ARPP21: variants seen among roughly 807,000 people sequenced by gnomAD.
ARPP21 encodes cAMP regulated phosphoprotein 21, also known as cAMP-regulated phosphoprotein 21.
Under a neutral mutation model 113.2 loss-of-function variants are expected in ARPP21, and 69 were observed. The observed-to-expected ratio is 0.61, with a 90% CI of 0.50 to 0.74. The LOEUF (loss-of-function observed/expected upper bound fraction) is 0.74. Ranked by LOEUF, ARPP21 falls within the 30% of genes least tolerant of loss-of-function variation. The probability of loss-of-function intolerance (pLI) is 0.00; values close to 1 mark genes in which losing one functional copy is unlikely to be tolerated. For missense variants in ARPP21, 1,070 were observed against 1,037.4 expected (o/e 1.03, Z -0.43); for synonymous variants, 368 against 375.5 (o/e 0.98, Z 0.23).
chr3:35,741,968 G>T (rs992443154), intron 18 of ARPP21, among the ~76,000 whole-genome samples: 1 of 152,120 alleles, frequency 6.6e-6, no homozygotes, highest in African/African-American at 2.4e-5. Flanking sequence ...CTCTAGCACA[G>T]CTTGTGAAGG....
chr3:35,659,452 T>A (rs1480309595), intron 1 of ARPP21, among the ~76,000 whole-genome samples: 1 of 152,218 alleles, frequency 6.6e-6, no homozygotes, highest in Non-Finnish European at 1.5e-5. Flanking sequence ...GACATTTACA[T>A]TTTTAGAAAC....
At chr3:35,703,491 T>C (rs1259559780) in intron 9 of ARPP21, among the ~76,000 whole-genome samples, 1 of 151,990 alleles carries the variant, frequency 6.6e-6, no homozygotes, top group Non-Finnish European at 1.5e-5. Flanking sequence ...TTCACAGTAG[T>C]TATGTGCTAC....
chr3:35,779,762 C>A (rs1485051611), intron 19 of ARPP21, among the ~76,000 whole-genome samples: 1 of 152,182 alleles, frequency 6.6e-6, no homozygotes. Context: ...ATAAGAATCT[C>A]ATCTTGTTTT....
At chr3:35,717,443 T>C in intron 13 of ARPP21, 86 bp downstream of exon 13, 1 of 839,960 alleles carries the variant, frequency 1.2e-6, no homozygotes, top group South Asian at 1.4e-5. Context: ...TCGTGTAAAA[T>C]ATATCTGTTC....
At chr3:35,733,743 G>A (rs932631283) in intron 15 of ARPP21, among the ~76,000 whole-genome samples, 2 of 152,110 alleles carry the variant, frequency 1.3e-5, no homozygotes, top group East Asian at 1.9e-4. Flanking sequence ...ATGTTTCTCA[G>A]TTCTTTCCAT....
intron 1 of ARPP21, among the ~76,000 whole-genome samples, chr3:35,648,379 G>A (rs1051715807): frequency 6.6e-6 from 1 of 152,140 alleles, no homozygotes; most frequent in Non-Finnish European, 1.5e-5. Context: ...ATCCATGAAG[G>A]AAAAACCTAA....
At chr3:35,749,949 T>C (rs145786127) in intron 19 of ARPP21, among the ~76,000 whole-genome samples, 1 of 152,066 alleles carries the variant, frequency 6.6e-6, no homozygotes, top group Admixed American at 6.6e-5. Context: ...TCTCTCTTTT[T>C]ATTTTTGTCA....
At chr3:35,769,857 G>A (rs116361401) in intron 19 of ARPP21, among the ~76,000 whole-genome samples, 161 of 152,312 alleles carry the variant, frequency 1.1e-3, no homozygotes, top group African/African-American at 3.8e-3. Context: ...TGGTAGCAGA[G>A]TCATTGCTTG....
rs778706911 is a variant in ARPP21 at position 35,682,802 on chromosome 3, T to C, written c.130-46T>C. On this transcript the variant is annotated intron_variant, in intron 3 of 20. Coordinates refer to ENST00000684406, the MANE Select transcript of ARPP21 (RefSeq NM_001385562.1). ...TCGGTTGTTGATTTACTGTTCGTTT[T>C]TGTTTGTTTTATTTTATTTTGTTTT... 4.5e-6 allele frequency: 7 copies of C among 1,558,454 alleles called. No homozygotes were observed. In the African/African-American group the frequency reaches 9.7e-5, roughly 22 times the overall value.
intron 19 of ARPP21, among the ~76,000 whole-genome samples, chr3:35,754,446 G>A (rs904386717): frequency 2.0e-5 from 3 of 151,940 alleles, no homozygotes; most frequent in African/African-American, 7.2e-5. Context: ...ATTAACATCA[G>A]TGGGAGGAGT....
chr3:35,712,511 T>G (rs1164330090), intron 11 of ARPP21, among the ~76,000 whole-genome samples: 2 of 115,798 alleles, frequency 1.7e-5, no homozygotes, highest in African/African-American at 7.8e-5. Context: ...GTGTCTAAGG[T>G]GTCTGTGTGT....
chr3:35,762,539 T>G (rs1462605150), intron 19 of ARPP21, among the ~76,000 whole-genome samples: 1 of 152,026 alleles, frequency 6.6e-6, no homozygotes, highest in Non-Finnish European at 1.5e-5. Context: ...CTGATAAATA[T>G]TGGATTCATA....
chr3:35,711,951 T>C (rs959473028), intron 11 of ARPP21, among the ~76,000 whole-genome samples: 2 of 152,184 alleles, frequency 1.3e-5, no homozygotes, highest in Admixed American at 1.3e-4. Context: ...CAGATCAACA[T>C]TGGAACAATG....
chr3:35,706,113 C>T (rs1171747324), intron 9 of ARPP21, among the ~76,000 whole-genome samples: 1 of 152,032 alleles, frequency 6.6e-6, no homozygotes, highest in Non-Finnish European at 1.5e-5. Context: ...ATGACAGAGA[C>T]CCTTTAATGA....
chr3:35,671,843 G>C (rs2076409688), intron 1 of ARPP21, among the ~76,000 whole-genome samples: 1 of 151,804 alleles, frequency 6.6e-6, no homozygotes, highest in African/African-American at 2.4e-5. Flanking sequence ...TAGATGTTTG[G>C]CCAGTTTAAT....
intron 19 of ARPP21, among the ~76,000 whole-genome samples, chr3:35,747,471 A>C (rs898728461): frequency 1.3e-5 from 2 of 152,214 alleles, no homozygotes; most frequent in Admixed American, 6.5e-5. Flanking sequence ...GAAAAATAAA[A>C]AACCTTCAAT....
chr3:35,709,429 A>T (rs183909487), intron 11 of ARPP21, among the ~76,000 whole-genome samples: 243 of 152,352 alleles, frequency 1.6e-3, no homozygotes, highest in African/African-American at 5.4e-3. Flanking sequence ...TTTAATAACA[A>T]CATTGTACAG....
chr3:35,649,918 G>A (rs190034515), intron 1 of ARPP21, among the ~76,000 whole-genome samples: 98 of 152,242 alleles, frequency 6.4e-4, no homozygotes, highest in African/African-American at 1.8e-3. Flanking sequence ...GATTACAAAT[G>A]AAATGAGTTT....
At chr3:35,740,084 C>T (rs1365283696) in intron 18 of ARPP21, among the ~76,000 whole-genome samples, 1 of 152,184 alleles carries the variant, frequency 6.6e-6, no homozygotes, top group Non-Finnish European at 1.5e-5. Flanking sequence ...ATCCACAGTC[C>T]TTTTCTCTCC....
Sources: allele counts gnomAD v4.1 joint callset (sites outside exome capture counted in the v4.1 genomes callset), GRCh38; gene constraint gnomAD v4.1.1; transcripts MANE v1.5; gene names NCBI Gene and HGNC (gene_info 2026-07-23, HGNC 2026-07-21).